The following CCDC102A variants were observed in gnomAD, a reference collection of about 807,000 sequenced individuals.
The protein encoded by CCDC102A is coiled-coil domain-containing protein 102A.
Under a neutral mutation model 55.5 loss-of-function variants are expected in CCDC102A, and 40 were observed. That is an observed-to-expected ratio of 0.72 (90% CI 0.56 to 0.94). The LOEUF (loss-of-function observed/expected upper bound fraction) is 0.94, where lower values mean the gene tolerates loss of function less well. CCDC102A is among the 40% of genes least tolerant of loss of function. The pLI is 0.00. For missense variants in CCDC102A, 779 were observed against 768.6 expected (o/e 1.01, Z -0.16); for synonymous variants, 323 against 339.0 (o/e 0.95, Z 0.52).
chr16:57,524,570 C>CT (rs1283794152), intron 3 of CCDC102A, among the ~76,000 whole-genome samples: 18 of 129,188 alleles, frequency 1.4e-4, no homozygotes, highest in Non-Finnish European at 2.9e-4. Context: ...GAGTGAGGCT[C>CT]TGTCTAAAAA....
In CCDC102A at chr16:57,516,230, C is replaced by T. The variant is rs866999531; in HGVS notation, c.1419+63G>A. The T allele has an allele frequency of 1.2e-5, 19 of 1,531,516 alleles. No individual in the cohort carries two copies. The Middle Eastern group carries it at 7.0e-4, about 56-fold the overall frequency. 94.9% of individuals were successfully genotyped at this position (1,531,516 alleles called of 1,614,324 possible). A position where few individuals can be genotyped will look rare whatever the true frequency, so the allele number is the denominator to read the frequency against. ...TGAGAATGGAGAAGCCAGGATGGCC[C>T]TGCGGCCCCCACTCCTCCCTGGCCA... On this transcript the variant is annotated intron_variant, in intron 7 of 8. Coordinates refer to ENST00000258214, the MANE Select transcript of CCDC102A (RefSeq NM_033212.4). This position sits in a 1 kb window ranked among gnomAD's most constrained non-coding sequence, Gnocchi z 4.4.
intron 4 of CCDC102A, among the ~76,000 whole-genome samples, chr16:57,519,574 C>T (rs1399750758): frequency 6.6e-6 from 1 of 152,240 alleles, no homozygotes; most frequent in Admixed American, 6.5e-5. Context: ...AACTGCTGCT[C>T]CCTGTAACAC....
In CCDC102A at chr16:57,525,663, C is replaced by G. The variant is rs568322291; in HGVS notation, c.812+238G>C. Among the ~76,000 whole-genome samples, 4 of 152,280 alleles carry G rather than the reference C, an allele frequency of 2.6e-5. No homozygotes were observed. In the East Asian group the frequency reaches 7.7e-4, roughly 29 times the overall value. On this transcript the variant is annotated intron_variant, in intron 3 of 8. Transcript: ENST00000258214. ...GCAGGGGCTTCTGTCTTATTTACGG[C>G]TGTATCCTCAGGGCAGAGCACAGTG...
At chr16:57,523,809 GGTGGCTAATTTTTT>G (rs2032090161) in intron 3 of CCDC102A, among the ~76,000 whole-genome samples, 1 of 152,072 alleles carries the variant, frequency 6.6e-6, no homozygotes, top group Non-Finnish European at 1.5e-5. Context: ...AGCCGGGTCT[GGTGGCTAATTTTTT>G]AGCCACCCTC....
rs2031957910 is a variant in CCDC102A at position 57,516,462 on chromosome 16, T to G, written c.1250A>C (p.Glu417Ala). 6.5e-7 allele frequency: 1 copy of G among 1,544,634 alleles called. No individual in the cohort carries two copies. Among genetic ancestry groups the G allele is most frequent in the Admixed American group, 1.7e-5 (1 of 59,882 alleles). ...ATGCACATGCTTCAGGTCTGCCAGC[T>G]CCTACAGGGCACAGGGATGGGGTGG... Reference protein sequence around the residue: ...SQAALFEKNKELADLKHVHGK... With the variant: ...SQAALFEKNKALADLKHVHGK... Residue 417 changes from glutamate (E) to alanine (A), a missense_variant and splice_region_variant, in exon 7 of 9, where the codon GAG becomes GCG. Glu to Ala is a moderately radical substitution (Grantham distance 107). Transcript: ENST00000258214. The surrounding 1 kb of genome is among the most constrained non-coding windows in gnomAD (Gnocchi z 4.4).
At chr16:57,523,907 T>C (rs1262550481) in intron 3 of CCDC102A, among the ~76,000 whole-genome samples, 3 of 151,876 alleles carry the variant, frequency 2.0e-5, no homozygotes, top group East Asian at 1.9e-4. Context: ...GCCAGTGTGG[T>C]GTGGGGTCAT....
chr16:57,528,465 C>A, intron 2 of CCDC102A, 128 bp downstream of exon 2: 1 of 646,104 alleles, frequency 1.5e-6, no homozygotes, highest in Non-Finnish European at 2.0e-6. Flanking sequence ...GGGTAGAACC[C>A]GACCTGGAGA....
chr16:57,533,457 T>C (rs566662815), intron 1 of CCDC102A, among the ~76,000 whole-genome samples: 1 of 147,178 alleles, frequency 6.8e-6, no homozygotes, highest in South Asian at 2.2e-4. Flanking sequence ...CACACTCACA[T>C]ACAGCCCCAG....
intron 2 of CCDC102A, 82 bp downstream of exon 2, chr16:57,528,511 T>C (rs8045906): frequency 0.42 from 423,639 of 1,001,252 alleles, 96,645 homozygotes; most frequent in African/African-American, 0.86. Context: ...TTTACTAGCT[T>C]GTTTCTGAGC....
Position 57,521,107 on chromosome 16 carries a change from A to G in CCDC102A, c.882T>C (p.Tyr294=). Residue 294 remains tyrosine (Y), a synonymous_variant, in exon 4 of 9, where the codon TAT becomes TAC. Coordinates refer to ENST00000258214, the MANE Select transcript of CCDC102A (RefSeq NM_033212.4). The part of the protein sequence containing the change: ...EGELSQWKIK[Y]EELSKTKQEM... ...CCTGCTTGGTCTTGCTCAGCTCCTC[A>G]TACTTGATCTTCCACTGGCTGAGCT... is the stretch of plus-strand genomic sequence containing the variant. 6.2e-7 allele frequency: 1 copy of G among 1,613,652 alleles called. No homozygotes were observed. The highest frequency in any genetic ancestry group is 8.5e-7 in the Non-Finnish European group (1 of 1,179,980).
chr16:57,520,412 T>C (rs2032024005), intron 4 of CCDC102A, among the ~76,000 whole-genome samples: 1 of 152,078 alleles, frequency 6.6e-6, no homozygotes, highest in African/African-American at 2.4e-5. Flanking sequence ...TCATTCTGTT[T>C]TGACTCCTTC....
intron 5 of CCDC102A, 134 bp downstream of exon 5, chr16:57,518,491 G>C: frequency 1.2e-6 from 1 of 827,576 alleles, no homozygotes; most frequent in East Asian, 2.4e-5. Flanking sequence ...TTGCAGATCA[G>C]GACACCATTG....
intron 3 of CCDC102A, among the ~76,000 whole-genome samples, chr16:57,522,225 A>G (rs1305090554): frequency 6.6e-6 from 1 of 152,246 alleles, no homozygotes; most frequent in Non-Finnish European, 1.5e-5. Context: ...AACTGAAGGA[A>G]GACTGCACTT....
rs2032222762 is a variant in CCDC102A at position 57,529,851 on chromosome 16, C to A, written c.-147-527G>T. ...GTCTGCTGTGTACCTTTAACCAAGGCTGTGAGTTTGCTGTGGTCCAGGACT... is the reference window on the plus strand; with the variant it reads ...GTCTGCTGTGTACCTTTAACCAAGGATGTGAGTTTGCTGTGGTCCAGGACT... On this transcript the variant is annotated intron_variant, in intron 1 of 8. Transcript: ENST00000258214. This position sits in a 1 kb window ranked among gnomAD's most constrained non-coding sequence, Gnocchi z 4.1. 6.6e-6 allele frequency among the ~76,000 whole-genome samples: 1 copy of A among 152,202 alleles called. No individual in the cohort carries two copies. The highest frequency in any genetic ancestry group is 1.5e-5 in the Non-Finnish European group (1 of 68,034).
rs2032203123 is a variant in CCDC102A, at chr16:57,529,087, G to C, written c.91C>G (p.Arg31Gly). The change falls in exon 2 of 9, where the codon CGC (arginine) becomes GGC (glycine). Residue 31 changes from arginine (R) to glycine (G), a missense_variant. Physicochemically the swap from Arg to Gly is moderately radical, Grantham distance 125 (BLOSUM62 -2). Transcript: ENST00000258214. The surrounding 1 kb of genome is among the most constrained non-coding windows in gnomAD (Gnocchi z 4.1). Reference sequence around the variant, plus strand: ...GGCAAGGAGTCGGCAGGCCCCATGCGCTCCGGCGACGGGCTGCCCAGGATG... The same window carrying C: ...GGCAAGGAGTCGGCAGGCCCCATGCCCTCCGGCGACGGGCTGCCCAGGATG... ...LTILGSPSPE[R>G]MGPADSLPPT... 5.1e-6 allele frequency: 6 copies of C among 1,170,682 alleles called. No homozygotes were observed. The highest frequency in any genetic ancestry group is 6.3e-6 in the Non-Finnish European group (6 of 948,616). The allele number at this position is 1,170,682 out of a possible 1,614,324, so 72.5% of individuals were successfully genotyped here.
chr16:57,515,676 T>C (rs2031943123), intron 7 of CCDC102A, among the ~76,000 whole-genome samples: 2 of 151,692 alleles, frequency 1.3e-5, no homozygotes, highest in African/African-American at 4.9e-5. Context: ...GGCCCTGCAC[T>C]ACTGATGCAG....
At chr16:57,530,854 TGGCG>T (rs2032244668) in intron 1 of CCDC102A, among the ~76,000 whole-genome samples, 1 of 151,908 alleles carries the variant, frequency 6.6e-6, no homozygotes, top group African/African-American at 2.4e-5. Flanking sequence ...TCTACCTGCT[TGGCG>T]CTCTGTCACC....
intron 1 of CCDC102A, among the ~76,000 whole-genome samples, chr16:57,531,321 TTGAAGGCACCC>T (rs2032257236): frequency 1.3e-5 from 2 of 151,734 alleles, no homozygotes; most frequent in Non-Finnish European, 2.9e-5. Flanking sequence ...CCTTCCAGCT[TTGAAGGCACCC>T]TGAAATCTGC....
Position 57,516,317 on chromosome 16 carries a change from C to T in CCDC102A, c.1395G>A (p.Lys465=), listed in dbSNP as rs773074801. Residue 465 remains lysine, a synonymous_variant, in exon 7 of 9, where the codon AAG becomes AAA. Transcript: ENST00000258214. This position sits in a 1 kb window ranked among gnomAD's most constrained non-coding sequence, Gnocchi z 4.4. Reference sequence around the variant, plus strand: ...CCTCGTCCTCAGCCTGGGCCAGCTCCTTCTTGAGCTCCTCCACCCGCAGCC... The same window carrying T: ...CCTCGTCCTCAGCCTGGGCCAGCTCTTTCTTGAGCTCCTCCACCCGCAGCC... The part of the protein sequence containing the change: ...KLRLRVEELK[K]ELAQAEDELD... 2.5e-6 allele frequency: 4 copies of T among 1,606,642 alleles called. No homozygotes were observed. The Admixed American group carries it at 6.7e-5, about 27-fold the overall frequency.
Sources: gnomAD v4.1 joint callset for allele counts (sites outside exome capture counted in the v4.1 genomes callset) on GRCh38, gnomAD v4.1.1 for gene constraint, Gnocchi (gnomAD v3.1) non-coding constraint, MANE v1.5 for transcripts, NCBI Gene and HGNC (gene_info 2026-07-23, HGNC 2026-07-21) for gene names.